TSEN15: variants seen among roughly 807,000 people sequenced by gnomAD.
The protein encoded by TSEN15 is tRNA splicing endonuclease subunit 15, also known as tRNA-splicing endonuclease subunit Sen15.
A neutral mutation model predicts 20.5 loss-of-function variants in TSEN15; 10 were observed. The observed-to-expected ratio is 0.49, with a 90% confidence interval of 0.30 to 0.83. The LOEUF (loss-of-function observed/expected upper bound fraction) is 0.83. TSEN15 is among the 40% of genes least tolerant of loss of function. TSEN15 has a pLI of 0.06. For synonymous variants in TSEN15, 72 were observed against 80.1 expected, an observed-to-expected ratio of 0.90 and a Z score of 0.54; for missense variants, 180 against 218.6, an observed-to-expected ratio of 0.82 and a Z score of 1.11.
intron 3 of TSEN15, among the ~76,000 whole-genome samples, chr1:184,069,120 G>A (rs931410498): frequency 1.1e-4 from 16 of 152,102 alleles, no homozygotes; most frequent in African/African-American, 3.6e-4. Context: ...TTTGCTTCAG[G>A]CTTGTTTTCA....
chr1:184,072,755 A>T (rs1377546706), intron 4 of TSEN15, 72 bp from the exon 5 acceptor site: 113 of 1,285,390 alleles, frequency 8.8e-5, no homozygotes, highest in Non-Finnish European at 1.1e-4. Flanking sequence ...TACATTAAAT[A>T]TCTTTCTAAT....
chr1:184,084,355 C>T (rs1651224877), intron 3 of TSEN15, among the ~76,000 whole-genome samples: 1 of 151,790 alleles, frequency 6.6e-6, no homozygotes, highest in Admixed American at 6.6e-5. Flanking sequence ...AGTCTTAGTC[C>T]ATTTTGTTGT....
At chr1:184,082,905 C>T (rs1651195860) in intron 3 of TSEN15, among the ~76,000 whole-genome samples, 1 of 152,044 alleles carries the variant, frequency 6.6e-6, no homozygotes, top group Non-Finnish European at 1.5e-5. Flanking sequence ...AAAAAGTTCA[C>T]AGGGAACAAG....
downstream of TSEN15, among the ~76,000 whole-genome samples, chr1:184,078,358 A>C (rs1651103002): frequency 6.6e-6 from 1 of 152,164 alleles, no homozygotes; most frequent in African/African-American, 2.4e-5. Flanking sequence ...GAAACCAAAA[A>C]AATTGTATGA....
At chr1:184,067,812 G>C (rs942392653) in intron 3 of TSEN15, among the ~76,000 whole-genome samples, 1 of 150,702 alleles carries the variant, frequency 6.6e-6, no homozygotes, top group Non-Finnish European at 1.5e-5. Flanking sequence ...CCAGCTACTT[G>C]GGAGGCCTAG....
intron 3 of TSEN15, chr1:184,093,599 A>G (rs1651396145): frequency 6.6e-6 from 1 of 152,214 alleles, no homozygotes; most frequent in Non-Finnish European, 1.5e-5. Flanking sequence ...TATCAAATGC[A>G]ACCATATCTT....
rs1028472365 is a variant in TSEN15 at position 184,072,293 on chromosome 1, C to T, written c.490C>T (p.Pro164Ser). 2.5e-5 allele frequency: 40 copies of T among 1,604,426 alleles called. No individual in the cohort carries two copies. Among genetic ancestry groups the T allele is most frequent in the Non-Finnish European group, 3.3e-5 (39 of 1,175,984 alleles). Residue 164 changes from proline to serine, a missense_variant, in exon 4 of 5, where the codon CCT (proline) becomes TCT (serine). Physicochemically the swap from Pro to Ser is moderately conservative, Grantham distance 74. Around this residue, in one of 3 missense-constraint regions of TSEN15, gnomAD observed 28 missense variants for 28.7 expected, o/e 0.98. Transcript: ENST00000645668. Reference sequence around the variant, plus strand: ...TACTGATGGATTTATGCTGCCAGACCCTCAGGTCAGTTTTGAGGTAACTGA... The same window carrying T: ...TACTGATGGATTTATGCTGCCAGACTCTCAGGTCAGTTTTGAGGTAACTGA... Reference protein sequence around the residue: ...KLTDGFMLPDPQNISLRR With the variant: ...KLTDGFMLPDSQNISLRR
rs1650947853 is a variant in TSEN15 at position 184,073,001 on chromosome 1, C to A, written c.*154C>A. ...GTTTTCATTCTGAAGAGTAAAACTT[C>A]CCCAGGTAGAAGACTTTCTCCTTCT... On this transcript the variant is annotated 3_prime_UTR_variant, in exon 5 of 5. Transcript: ENST00000645668. 2 of 672,146 alleles carry A rather than the reference C, an allele frequency of 3.0e-6. No homozygotes were observed. The highest frequency in any genetic ancestry group is 3.8e-5 in the African/African-American group (2 of 53,296). The allele number at this position is 672,146 out of a possible 1,614,324, so 41.6% of individuals were successfully genotyped here. A position where few individuals can be genotyped will look rare whatever the true frequency, so the allele number is the denominator to read the frequency against.
In TSEN15 at chr1:184,096,944, A is replaced by G. The variant is rs374170679; in HGVS notation, c.*1140A>G. 2.0e-5 allele frequency: 3 copies of G among 152,238 alleles called. No homozygotes were observed. The East Asian group carries it at 5.8e-4, about 29-fold the overall frequency. 9.4% of individuals were successfully genotyped at this position (152,238 alleles called of 1,614,324 possible). A position where few individuals can be genotyped will look rare whatever the true frequency, so the allele number is the denominator to read the frequency against. The stretch of plus-strand genomic sequence containing the variant: ...ATTTGGGTGGGGACACAGCCAAACC[A>G]TATTAATAACATTCACATTCTTTCT... On this transcript the variant is annotated 3_prime_UTR_variant, in exon 4 of 4. Coordinates refer to the TSEN15 transcript ENST00000643231.
At chr1:184,075,778 G>A (rs1186847197), downstream of TSEN15, among the ~76,000 whole-genome samples, 1 of 151,722 alleles carries the variant, frequency 6.6e-6, no homozygotes, top group African/African-American at 2.4e-5. Flanking sequence ...TTTCTGGCAT[G>A]CCTCTAAAAT....
intron 3 of TSEN15, chr1:184,094,498 C>T (rs1651414534): frequency 6.6e-6 from 1 of 152,418 alleles, no homozygotes; most frequent in South Asian, 2.1e-4. Flanking sequence ...AAGGGTGGGT[C>T]CCGGAAGGCT....
At chr1:184,064,440 G>A (rs1572709001) in intron 3 of TSEN15, among the ~76,000 whole-genome samples, 1 of 152,182 alleles carries the variant, frequency 6.6e-6, no homozygotes, top group African/African-American at 2.4e-5. Flanking sequence ...GCCCTAGATT[G>A]GTGTGGCATG....
chr1:184,080,786 GA>G (rs1651149944), intron 3 of TSEN15, among the ~76,000 whole-genome samples: 1 of 152,094 alleles, frequency 6.6e-6, no homozygotes, highest in African/African-American at 2.4e-5. Flanking sequence ...AGAAAATCCA[GA>G]AACTTATAAA....
Position 184,073,516 on chromosome 1 carries a change from A to G in TSEN15, c.*669A>G, listed in dbSNP as rs1650974816. ...CTGGGCTATCCTTTTCATTCTTATC[A>G]CATATCATAGCTTGAATATTACAAC... On this transcript the variant is annotated 3_prime_UTR_variant, in exon 5 of 5. Coordinates refer to ENST00000645668, the MANE Select transcript of TSEN15 (RefSeq NM_052965.4). 6.6e-6 allele frequency: 1 copy of G among 152,570 alleles called. No individual in the cohort carries two copies. Among genetic ancestry groups the G allele is most frequent in the Non-Finnish European group, 1.5e-5 (1 of 68,026 alleles). The allele number at this position is 152,570 out of a possible 1,614,324, so 9.5% of individuals were successfully genotyped here.
intron 3 of TSEN15, among the ~76,000 whole-genome samples, chr1:184,081,355 AG>A (rs1248574954): frequency 6.6e-6 from 1 of 152,212 alleles, no homozygotes; most frequent in Non-Finnish European, 1.5e-5. Context: ...TCAGAGTGAC[AG>A]GGCCTCCACC....
At chr1:184,090,388 T>A (rs1331557381) in intron 3 of TSEN15, among the ~76,000 whole-genome samples, 1 of 152,138 alleles carries the variant, frequency 6.6e-6, no homozygotes, top group African/African-American at 2.4e-5. Flanking sequence ...ATATGTTGAT[T>A]GTGGTGGTGT....
intron 3 of TSEN15, among the ~76,000 whole-genome samples, chr1:184,059,560 A>T (rs1650369272): frequency 6.6e-6 from 1 of 152,076 alleles, no homozygotes; most frequent in South Asian, 2.1e-4. Context: ...TAGCTGGGAC[A>T]TGTATACCTT....
chr1:184,067,027 A>T (rs1264342525), intron 3 of TSEN15, among the ~76,000 whole-genome samples: 2 of 152,198 alleles, frequency 1.3e-5, no homozygotes, highest in Non-Finnish European at 2.9e-5. Context: ...TATGATGCTG[A>T]TGTAAATGGT....
intron 3 of TSEN15, among the ~76,000 whole-genome samples, chr1:184,085,854 C>G (rs1651253131): frequency 6.6e-6 from 1 of 152,118 alleles, no homozygotes; most frequent in Non-Finnish European, 1.5e-5. Flanking sequence ...CAAGTCAGTA[C>G]TAGTCAAGGA....
Sources: gnomAD v4.1 joint callset for allele counts (sites outside exome capture counted in the v4.1 genomes callset) on GRCh38, gnomAD v4.1.1 for gene constraint, gnomAD v4.1.1 regional missense constraint, MANE v1.5 for transcripts, NCBI Gene and HGNC (gene_info 2026-07-23, HGNC 2026-07-21) for gene names.